PPP1CB: variants seen among roughly 807,000 people sequenced by gnomAD.
The protein encoded by PPP1CB is protein phosphatase 1 catalytic subunit beta, also known as serine/threonine-protein phosphatase PP1-beta catalytic subunit.
Under a neutral mutation model 43.7 loss-of-function variants are expected in PPP1CB, and 2 were observed. The ratio of observed to expected loss-of-function variants is 0.05; its 90% CI spans 0.02 to 0.14. The LOEUF (loss-of-function observed/expected upper bound fraction) is 0.14, where lower values mean the gene tolerates loss of function less well. Ranked by LOEUF, PPP1CB falls within the 10% of genes least tolerant of loss-of-function variation. PPP1CB has a pLI of 1.00. For synonymous variants in PPP1CB, 136 were observed against 135.6 expected (o/e 1.00, Z -0.02); for missense variants, 84 against 398.0 (o/e 0.21, Z 6.71).
intron 1 of PPP1CB, 43 bp downstream of exon 1, chr2:28,752,219 C>A (rs1666316584): frequency 6.7e-7 from 1 of 1,488,490 alleles, no homozygotes; most frequent in Non-Finnish European, 9.0e-7. Flanking sequence ...GGTCGGGCAC[C>A]GCCGCCGACC....
At chr2:28,786,033 A>G (rs1667259545) in intron 5 of PPP1CB, among the ~76,000 whole-genome samples, 1 of 152,288 alleles carries the variant, frequency 6.6e-6, no homozygotes, top group African/African-American at 2.4e-5. Flanking sequence ...TGCAACATTC[A>G]GAAATTTAAT....
chr2:28,769,932 A>G (rs1243404309), intron 1 of PPP1CB, among the ~76,000 whole-genome samples: 1 of 152,224 alleles, frequency 6.6e-6, no homozygotes, highest in Non-Finnish European at 1.5e-5. Flanking sequence ...ACAGAATGGT[A>G]GACTTAAACT....
At chr2:28,785,296 G>T (rs180696966) in intron 5 of PPP1CB, among the ~76,000 whole-genome samples, 1 of 151,260 alleles carries the variant, frequency 6.6e-6, no homozygotes, top group East Asian at 2.0e-4. Context: ...GGATGGTCTC[G>T]ATCTCTTGAT....
At chr2:28,762,043 G>T (rs1666668886) in intron 1 of PPP1CB, among the ~76,000 whole-genome samples, 1 of 152,170 alleles carries the variant, frequency 6.6e-6, no homozygotes, top group Non-Finnish European at 1.5e-5. Context: ...CAGCACTTTG[G>T]GAGGCCGAGG....
chr2:28,755,764 G>C (rs1666475802), intron 1 of PPP1CB, among the ~76,000 whole-genome samples: 2 of 152,172 alleles, frequency 1.3e-5, no homozygotes, highest in Admixed American at 1.3e-4. Flanking sequence ...GAGGAGGTTA[G>C]TATGGAAAAC....
intron 1 of PPP1CB, among the ~76,000 whole-genome samples, chr2:28,772,488 T>A (rs763629702): frequency 6.6e-6 from 1 of 152,220 alleles, no homozygotes; most frequent in African/African-American, 2.4e-5. Context: ...GGGAAACTGA[T>A]GGTATCTACT....
chr2:28,764,724 G>T (rs748444121), intron 1 of PPP1CB, among the ~76,000 whole-genome samples: 1 of 151,386 alleles, frequency 6.6e-6, no homozygotes, highest in Non-Finnish European at 1.5e-5. Context: ...TCAGGAGTTC[G>T]AGCCTGGGCA....
chr2:28,770,903 C>T (rs757271291), intron 1 of PPP1CB, among the ~76,000 whole-genome samples: 3 of 151,892 alleles, frequency 2.0e-5, no homozygotes, highest in Admixed American at 6.6e-5. Context: ...TAATGAAAAA[C>T]GTGAAAGACT....
At chr2:28,779,681 A>C (rs1217316312) in intron 3 of PPP1CB, among the ~76,000 whole-genome samples, 1 of 152,208 alleles carries the variant, frequency 6.6e-6, no homozygotes, top group Non-Finnish European at 1.5e-5. Context: ...ACTACTTAGA[A>C]TCAATTATAA....
At chr2:28,794,974 T>A (rs1189659766) in intron 7 of PPP1CB, among the ~76,000 whole-genome samples, 10 of 152,150 alleles carry the variant, frequency 6.6e-5, no homozygotes, top group African/African-American at 2.4e-4. Flanking sequence ...CATAGAGTTT[T>A]TCATTTCACA....
chr2:28,793,855 T>A lies in PPP1CB; in HGVS notation c.745-8T>A. ...AAATGTTTTTTCTTCTGACATTTCC[T>A]TTGACAGGTGGTGGAAGATGGATAT... On this transcript the variant is annotated splice_region_variant and splice_polypyrimidine_tract_variant and intron_variant, in intron 6 of 7. Coordinates refer to ENST00000395366, the MANE Select transcript of PPP1CB (RefSeq NM_002709.3). 6.2e-7 allele frequency: 1 copy of A among 1,613,686 alleles called. No homozygotes were observed. Among genetic ancestry groups the A allele is most frequent in the Non-Finnish European group, 8.5e-7 (1 of 1,179,658 alleles).
At chr2:28,770,742 A>G (rs546580837) in intron 1 of PPP1CB, among the ~76,000 whole-genome samples, 30 of 152,078 alleles carry the variant, frequency 2.0e-4, no homozygotes, top group Admixed American at 3.3e-4. Flanking sequence ...TACTTGGCGG[A>G]CATAGAACAC....
intron 1 of PPP1CB, among the ~76,000 whole-genome samples, chr2:28,761,376 T>C (rs1311450358): frequency 6.6e-6 from 1 of 152,238 alleles, no homozygotes; most frequent in Admixed American, 6.5e-5. Flanking sequence ...TAATAAGTAT[T>C]GATACATTGG....
Position 28,781,829 on chromosome 2 carries a change from C to G in PPP1CB, c.507C>G (p.Phe169Leu). 1 of 1,611,274 alleles carries G rather than the reference C, an allele frequency of 6.2e-7. No individual in the cohort carries two copies. Among genetic ancestry groups the G allele is most frequent in the Non-Finnish European group, 8.5e-7 (1 of 1,177,954 alleles). Reference protein sequence around the residue: ...PIAAIVDEKIFCCHGGLSPDL... With the variant: ...PIAAIVDEKILCCHGGLSPDL... ...CAGCCATTGTGGATGAGAAGATCTT[C>G]TGTTGTCATGGAGGTAGACTAGTAA... Residue 169 changes from phenylalanine to leucine, a missense_variant, in exon 4 of 8, where the codon TTC (phenylalanine) becomes TTG (leucine). Coordinates refer to ENST00000395366, the MANE Select transcript of PPP1CB (RefSeq NM_002709.3).
intron 2 of PPP1CB, 183 bp from the exon 3 acceptor site, chr2:28,778,626 T>G: frequency 1.7e-6 from 1 of 583,666 alleles, no homozygotes; most frequent in South Asian, 2.1e-5. Flanking sequence ...TCACAGTCTT[T>G]TGTAACTTAA....
chr2:28,778,254 A>G (rs1667081715), intron 2 of PPP1CB: 1 of 402,734 alleles, frequency 2.5e-6, no homozygotes, highest in Non-Finnish European at 5.2e-6. Context: ...CAGATAATAA[A>G]ATTGTTTTAG....
intron 3 of PPP1CB, among the ~76,000 whole-genome samples, chr2:28,780,943 T>A (rs1342860436): frequency 2.6e-5 from 4 of 152,184 alleles, no homozygotes; most frequent in Non-Finnish European, 5.9e-5. Flanking sequence ...TTGGAAATTT[T>A]CCTTCCTTGG....
chr2:28,773,483 TC>T (rs1666958434), intron 1 of PPP1CB, among the ~76,000 whole-genome samples: 1 of 152,240 alleles, frequency 6.6e-6, no homozygotes, highest in African/African-American at 2.4e-5. Flanking sequence ...TCTTTTCAGT[TC>T]CTGGGGTGTG....
chr2:28,793,974 G>C lies in PPP1CB; in HGVS notation c.856G>C (p.Glu286Gln). 6.2e-7 allele frequency: 1 copy of C among 1,613,858 alleles called. No homozygotes were observed. Among genetic ancestry groups the C allele is most frequent in the Non-Finnish European group, 8.5e-7 (1 of 1,179,790 alleles). ...DNAGGMMSVD[E>Q]TLMCSFQILK... is the part of the protein sequence containing the mutation. ...TGCTGGTGGAATGATGAGTGTGGATGAAACTTTGATGTGTTCATTTCAGGT... is the reference window on the plus strand; with the variant it reads ...TGCTGGTGGAATGATGAGTGTGGATCAAACTTTGATGTGTTCATTTCAGGT... The change falls in exon 7 of 8, where the codon GAA becomes CAA. Residue 286 changes from glutamate (E) to glutamine (Q), a missense_variant. Transcript: ENST00000395366.
Sources: gnomAD v4.1 joint callset for allele counts (sites outside exome capture counted in the v4.1 genomes callset) on GRCh38, gnomAD v4.1.1 for gene constraint, MANE v1.5 for transcripts, NCBI Gene and HGNC (gene_info 2026-07-23, HGNC 2026-07-21) for gene names.